MRTFB: variants seen among roughly 807,000 people sequenced by gnomAD.
MRTFB encodes myocardin related transcription factor B.
MRTFB carries 29 observed loss-of-function variants against 104.2 expected under a neutral mutation model. The observed-to-expected ratio is 0.28, with a 90% CI of 0.21 to 0.38. The LOEUF is 0.38. Among genes scored for constraint, MRTFB ranks in the 10% least tolerant of loss-of-function variants. The pLI is 1.00. For missense variants in MRTFB, 1,270 were observed against 1,341.6 expected, an observed-to-expected ratio of 0.95 and a Z score of 0.83; for synonymous variants, 535 against 519.5, an observed-to-expected ratio of 1.03 and a Z score of -0.41.
intron 6 of MRTFB, among the ~76,000 whole-genome samples, chr16:14,216,325 CA>C (rs1340061723): frequency 6.6e-6 from 1 of 152,196 alleles, no homozygotes; most frequent in Non-Finnish European, 1.5e-5. Flanking sequence ...AAGCAACTTT[CA>C]GCTTGGAATT....
intron 9 of MRTFB, among the ~76,000 whole-genome samples, chr16:14,236,845 G>GA (rs986961432): frequency 3.3e-5 from 5 of 152,210 alleles, no homozygotes; most frequent in Admixed American, 2.6e-4. Context: ...GGTAGAAGCA[G>GA]AGACAGGTAA....
intron 9 of MRTFB, among the ~76,000 whole-genome samples, chr16:14,236,935 C>T (rs2042542971): frequency 6.6e-6 from 1 of 152,164 alleles, no homozygotes; most frequent in Non-Finnish European, 1.5e-5. Context: ...GCTAAGCTGC[C>T]AGGATTTGTG....
In MRTFB at chr16:14,162,594, C is replaced by T. The variant is rs138892291; in HGVS notation, c.154+21834C>T. On this transcript the variant is annotated intron_variant, in intron 3 of 16. Transcript: ENST00000571589. ...CTTGCAAGAATGTGCATGAATCTTA[C>T]GAAAATAAGATTGGGCAAAGGCAGC... Among the ~76,000 whole-genome samples, 1,497 of 152,184 alleles carry T rather than the reference C, an allele frequency of 9.8e-3. 24 individuals carry two copies. Among genetic ancestry groups the T allele is most frequent in the African/African-American group, 0.034 (1,407 of 41,498 alleles).
chr16:14,225,708 T>C (rs746760334), intron 8 of MRTFB, among the ~76,000 whole-genome samples: 4 of 150,548 alleles, frequency 2.7e-5, no homozygotes, highest in Non-Finnish European at 4.4e-5. Context: ...CTGGCTAATT[T>C]TGTAGAGACA....
At chr16:14,061,912 G>T in the MRTFB span, among the ~76,000 whole-genome samples, 1 of 152,100 alleles carries the variant, frequency 6.6e-6, no homozygotes, top group Non-Finnish European at 1.5e-5. Flanking sequence ...CCCAGAAATT[G>T]CTCCCTTCCT....
rs552159164 is a variant in MRTFB at position 14,159,929 on chromosome 16, C to CAAAAAAAA, written c.154+19185_154+19192dup. Among the ~76,000 whole-genome samples the CAAAAAAAA allele has an allele frequency of 9.7e-4, 54 of 55,604 alleles. 1 individual carries two copies. Among genetic ancestry groups the CAAAAAAAA allele is most frequent in the African/African-American group, 2.6e-3 (49 of 19,068 alleles). The allele number at this position is 55,604 out of a possible 152,430, so 36.5% of individuals were successfully genotyped here. A position where few individuals can be genotyped will look rare whatever the true frequency, so the allele number is the denominator to read the frequency against. ...TGGGCGACAGAGCGAGACTCCGTCT[C>CAAAAAAAA]AAAAAAAAAAAAAAAAAAAAAAAGA... On this transcript the variant is annotated intron_variant, in intron 3 of 16. Transcript: ENST00000571589.
At chr16:14,204,978 C>G (rs889493845) in intron 3 of MRTFB, among the ~76,000 whole-genome samples, 1 of 152,178 alleles carries the variant, frequency 6.6e-6, no homozygotes, top group African/African-American at 2.4e-5. Context: ...AAGTGATAAA[C>G]AGGGACTATT....
chr16:14,019,573 T>G, the MRTFB span: 167 of 152,322 alleles, frequency 1.1e-3, no homozygotes, highest in African/African-American at 3.9e-3. Context: ...AACTTCTGGC[T>G]CTGTACATCC....
chr16:14,149,332 G>A (rs1379318802), intron 3 of MRTFB: 3 of 152,132 alleles, frequency 2.0e-5, no homozygotes, highest in Non-Finnish European at 2.9e-5. Context: ...GACATAACAA[G>A]AAAAGCAAAA....
chr16:14,186,413 T>C (rs1021226768), intron 3 of MRTFB, among the ~76,000 whole-genome samples: 8 of 152,240 alleles, frequency 5.3e-5, no homozygotes, highest in Admixed American at 1.3e-4. Flanking sequence ...ATATAAAGTA[T>C]TTCCATAGCC....
the MRTFB span, among the ~76,000 whole-genome samples, chr16:14,022,247 G>C: frequency 3.9e-5 from 6 of 152,262 alleles, no homozygotes; most frequent in South Asian, 1.2e-3. Flanking sequence ...TGGAATAACA[G>C]GATTTTTACC....
intron 3 of MRTFB, among the ~76,000 whole-genome samples, chr16:14,153,950 T>A (rs1010443157): frequency 1.3e-5 from 2 of 152,218 alleles, no homozygotes; most frequent in African/African-American, 2.4e-5. Flanking sequence ...TTTATATTAA[T>A]AGCCCCTCTA....
intron 3 of MRTFB, chr16:14,151,593 A>G (rs191472977): frequency 7.7e-4 from 117 of 152,222 alleles, no homozygotes; most frequent in African/African-American, 2.7e-3. Flanking sequence ...TTCTACAAGT[A>G]TTTCTTTTTT....
At chr16:14,254,467 G>A (rs1383826138) in intron 15 of MRTFB, among the ~76,000 whole-genome samples, 1 of 152,204 alleles carries the variant, frequency 6.6e-6, no homozygotes, top group African/African-American at 2.4e-5. Context: ...AAAAGCCATA[G>A]TCTTTATGGC....
the MRTFB span, among the ~76,000 whole-genome samples, chr16:14,056,815 T>C: frequency 6.6e-6 from 1 of 152,234 alleles, no homozygotes; most frequent in Non-Finnish European, 1.5e-5. Context: ...CACCTATACC[T>C]ATCTCTACAT....
At position 14,234,219 on chromosome 16, in the gene MRTFB, C is replaced by A; in HGVS notation, c.767C>A (p.Pro256His). Reference sequence around the variant, plus strand: ...ACTGCAGATCAGCCTCCCCCACGGCCTGCAGCTCCTGTCCTCCCCACAAAC... The same window carrying A: ...ACTGCAGATCAGCCTCCCCCACGGCATGCAGCTCCTGTCCTCCCCACAAAC... ...PPTADQPPPR[P>H]AAPVLPTNTV... The change falls in exon 9 of 17, where the codon CCT (proline) becomes CAT (histidine). Residue 256 changes from proline (P) to histidine (H), a missense_variant. By Grantham distance (77) the Pro-to-His change is moderately conservative (BLOSUM62 -2). Around this residue, in one of 3 missense-constraint regions of MRTFB, gnomAD observed 1,144 missense variants for 1,131.5 expected, o/e 1.01. Coordinates refer to ENST00000571589, the MANE Select transcript of MRTFB (RefSeq NM_001308142.2). The A allele has an allele frequency of 6.2e-7, 1 of 1,614,184 alleles. No individual in the cohort carries two copies. The highest frequency in any genetic ancestry group is 8.5e-7 in the Non-Finnish European group (1 of 1,180,020).
intron 2 of MRTFB, among the ~76,000 whole-genome samples, chr16:14,095,673 A>G (rs2035320745): frequency 6.6e-6 from 1 of 152,226 alleles, no homozygotes; most frequent in Non-Finnish European, 1.5e-5. Flanking sequence ...AAATTTCATC[A>G]TTTTAACTAT....
chr16:14,065,745 T>TA, the MRTFB span, among the ~76,000 whole-genome samples: 4 of 151,526 alleles, frequency 2.6e-5, no homozygotes, highest in East Asian at 1.9e-4. Context: ...ACCCCATCCC[T>TA]AAAAAAAAAT....
At chr16:13,999,209 A>G in the MRTFB span, among the ~76,000 whole-genome samples, 1 of 151,048 alleles carries the variant, frequency 6.6e-6, no homozygotes, top group Non-Finnish European at 1.5e-5. Flanking sequence ...AAAAAAAAAG[A>G]ACAGTCACTT....
Sources: allele counts gnomAD v4.1 joint callset (sites outside exome capture counted in the v4.1 genomes callset), GRCh38; gene constraint gnomAD v4.1.1; regional missense constraint gnomAD v4.1.1; transcripts MANE v1.5; gene names NCBI Gene and HGNC (gene_info 2026-07-23, HGNC 2026-07-21).